Variants in FMN2 observed in about 807,000 individuals in gnomAD.
FMN2 encodes formin-2.
In FMN2, 51 loss-of-function variants were observed where a neutral mutation model predicts 142.3. The observed-to-expected ratio is 0.36, with a 90% CI of 0.29 to 0.45. The LOEUF (loss-of-function observed/expected upper bound fraction) is 0.45, where lower values mean the gene tolerates loss of function less well. Ranked by LOEUF, FMN2 falls within the 20% of genes least tolerant of loss-of-function variation. The pLI is 1.00. For missense variants in FMN2, 1,936 were observed against 2,122.8 expected (o/e 0.91, Z 1.73); for synonymous variants, 882 against 869.8 (o/e 1.01, Z -0.25).
intron 8 of FMN2, among the ~76,000 whole-genome samples, chr1:240,315,146 G>A (rs1180181547): frequency 6.6e-6 from 1 of 152,120 alleles, no homozygotes; most frequent in Admixed American, 6.5e-5. Context: ...TGATGTTACA[G>A]GAATGGACTT....
chr1:240,447,618 T>C (rs1333931288), intron 16 of FMN2, among the ~76,000 whole-genome samples: 1 of 152,194 alleles, frequency 6.6e-6, no homozygotes, highest in African/African-American at 2.4e-5. Flanking sequence ...TTGCCATTAT[T>C]TTTATGGCAA....
chr1:240,183,470 AAT>A (rs1054637885), intron 3 of FMN2, among the ~76,000 whole-genome samples: 1 of 148,176 alleles, frequency 6.7e-6, no homozygotes, highest in East Asian at 1.9e-4. Flanking sequence ...ATATAAATTG[AAT>A]ATATATTATA....
chr1:240,092,726 A>G lies in FMN2; in HGVS notation c.617A>G (p.Gln206Arg), dbSNP rs745427484. 2 of 1,604,804 alleles carry G rather than the reference A, an allele frequency of 1.2e-6. No individual in the cohort carries two copies. Among genetic ancestry groups the G allele is most frequent in the East Asian group, 4.5e-5 (2 of 44,648 alleles). ...LSDIQQAIRL[Q>R]QQQQQQLQLQ... ...GACATCCAGCAGGCGATCCGCCTGC[A>G]GCAGCAGCAGCAGCAGCAGCTCCAG... Residue 206 changes from glutamine (Q) to arginine (R), a missense_variant, in exon 1 of 18, where the codon CAG becomes CGG. This residue lies in a region of FMN2 where 751 missense variants were observed against 791.8 expected (regional missense o/e 0.95). Coordinates refer to ENST00000319653, the MANE Select transcript of FMN2 (RefSeq NM_020066.5).
chr1:240,450,012 G>T (rs946446481), intron 16 of FMN2, among the ~76,000 whole-genome samples: 2 of 151,872 alleles, frequency 1.3e-5, no homozygotes, highest in African/African-American at 2.4e-5. Flanking sequence ...CTTTAGACTT[G>T]TTCATTTTAT....
chr1:240,262,496 G>T (rs889585529), intron 7 of FMN2, among the ~76,000 whole-genome samples: 1 of 152,106 alleles, frequency 6.6e-6, no homozygotes, highest in Non-Finnish European at 1.5e-5. Context: ...GCTTCATAGT[G>T]GTAGTTCACT....
chr1:240,326,437 C>G (rs1291176249), intron 8 of FMN2, among the ~76,000 whole-genome samples: 3 of 152,154 alleles, frequency 2.0e-5, no homozygotes, highest in Admixed American at 1.3e-4. Flanking sequence ...TAGAAAGTCA[C>G]TTTGTTCTGA....
At chr1:240,308,926 A>G (rs1433166799) in intron 8 of FMN2, among the ~76,000 whole-genome samples, 1 of 152,090 alleles carries the variant, frequency 6.6e-6, no homozygotes, top group Non-Finnish European at 1.5e-5. Context: ...AAATGGGGCA[A>G]TGAGAATTCT....
At chr1:240,123,157 A>C in intron 1 of FMN2, 22 bp from the exon 2 acceptor site, 2 of 1,613,560 alleles carry the variant, frequency 1.2e-6, no homozygotes, top group Non-Finnish European at 1.7e-6. Flanking sequence ...GCTCGCTCTT[A>C]ATGACTGTGT....
chr1:240,425,488 T>C (rs1200357280), intron 15 of FMN2, among the ~76,000 whole-genome samples: 2 of 152,214 alleles, frequency 1.3e-5, no homozygotes, highest in Non-Finnish European at 1.5e-5. Context: ...GTGGATCCAT[T>C]CTTTTTTTCT....
chr1:240,096,478 C>T (rs1455485659), intron 1 of FMN2, among the ~76,000 whole-genome samples: 1 of 152,208 alleles, frequency 6.6e-6, no homozygotes, highest in East Asian at 1.9e-4. Context: ...CAGCTGTCAA[C>T]TCTTCATGTC....
intron 16 of FMN2, among the ~76,000 whole-genome samples, chr1:240,447,443 T>C (rs1350668893): frequency 6.6e-6 from 1 of 152,178 alleles, no homozygotes; most frequent in Non-Finnish European, 1.5e-5. Context: ...TGAAAAGATA[T>C]TCCACATTGT....
At position 240,438,056 on chromosome 1, in the gene FMN2, G is replaced by A. The variant is rs771492498; in HGVS notation, c.4911-5G>A. ...TTATGCTTTTGTGTGTGTATGATTT[G>A]ACAGCTTTTTGGAGACCACGGCATA... On this transcript the variant is annotated splice_polypyrimidine_tract_variant and splice_region_variant and intron_variant, in intron 15 of 17. Coordinates refer to ENST00000319653, the MANE Select transcript of FMN2 (RefSeq NM_020066.5). The A allele has an allele frequency of 8.1e-6, 13 of 1,611,422 alleles. No individual in the cohort carries two copies. Among genetic ancestry groups the A allele is most frequent in the Non-Finnish European group, 1.1e-5 (13 of 1,179,336 alleles).
chr1:240,127,609 C>T (rs760108442), intron 2 of FMN2, among the ~76,000 whole-genome samples: 1 of 152,058 alleles, frequency 6.6e-6, no homozygotes, highest in Admixed American at 6.6e-5. Flanking sequence ...TTCCAAGTAG[C>T]TGGAACTATA....
intron 2 of FMN2, among the ~76,000 whole-genome samples, chr1:240,168,665 A>G (rs113931052): frequency 0.013 from 1,912 of 152,288 alleles, 42 homozygotes; most frequent in African/African-American, 0.044. Context: ...CCTAGTCCAA[A>G]AAGTATTTAC....
intron 7 of FMN2, among the ~76,000 whole-genome samples, chr1:240,260,503 T>C (rs1256992952): frequency 6.6e-6 from 1 of 152,174 alleles, no homozygotes; most frequent in Non-Finnish European, 1.5e-5. Context: ...CCCTGATCAT[T>C]AGTGATGCTG....
In FMN2 at chr1:240,177,923, A is replaced by G; in HGVS notation, c.1785A>G (p.Gln595=). The G allele has an allele frequency of 6.4e-7, 1 of 1,554,368 alleles. No individual in the cohort carries two copies. Among genetic ancestry groups the G allele is most frequent in the Non-Finnish European group, 8.6e-7 (1 of 1,157,092 alleles). The change falls in exon 3 of 18, where the codon CAA becomes CAG. Residue 595 remains glutamine (Q), a splice_region_variant and synonymous_variant. Coordinates refer to ENST00000319653, the MANE Select transcript of FMN2 (RefSeq NM_020066.5). ...ACATTTTTTATTTTTAAATATAGCAAGATCAACTTTATACCTGGGCTGCAG... is the reference window on the plus strand; with the variant it reads ...ACATTTTTTATTTTTAAATATAGCAGGATCAACTTTATACCTGGGCTGCAG... The part of the protein sequence containing the change: ...NAQTNAASFD[Q]DQLYTWAAVS...
intron 6 of FMN2, among the ~76,000 whole-genome samples, chr1:240,214,176 A>G (rs1666797377): frequency 6.6e-6 from 1 of 152,224 alleles, no homozygotes; most frequent in Non-Finnish European, 1.5e-5. Context: ...ATAGTTTTTC[A>G]TAACCAAATG....
chr1:240,454,614 T>C (rs1027455517), intron 16 of FMN2, among the ~76,000 whole-genome samples: 4 of 152,214 alleles, frequency 2.6e-5, no homozygotes, highest in Non-Finnish European at 4.4e-5. Context: ...TAGTGTTGTG[T>C]TGAGGTCTTT....
chr1:240,437,251 G>A lies in FMN2; in HGVS notation c.4911-810G>A, dbSNP rs9729181. ...CCATATTGGTCTCTACTCAATGATA[G>A]CACTGTAGTCTCTGATAGGAGACTT... is the stretch of plus-strand genomic sequence containing the variant. On this transcript the variant is annotated intron_variant, in intron 15 of 17. Transcript: ENST00000319653. Among the ~76,000 whole-genome samples the A allele has an allele frequency of 2.0e-5, 3 of 150,428 alleles. No individual in the cohort carries two copies. In the South Asian group the frequency reaches 6.3e-4, roughly 31 times the overall value.
Sources: allele counts gnomAD v4.1 joint callset (sites outside exome capture counted in the v4.1 genomes callset), GRCh38; gene constraint gnomAD v4.1.1; regional missense constraint gnomAD v4.1.1; transcripts MANE v1.5; gene names NCBI Gene and HGNC (gene_info 2026-07-23, HGNC 2026-07-21).